Variants in KIRREL1 observed in about 807,000 individuals in gnomAD.
The protein encoded by KIRREL1 is kin of IRRE-like protein 1.
KIRREL1 carries 25 observed loss-of-function variants against 83.3 expected under a neutral mutation model. The ratio of observed to expected loss-of-function variants is 0.30; its 90% CI spans 0.22 to 0.42. The LOEUF is 0.42. Among genes scored for constraint, KIRREL1 ranks in the 10% least tolerant of loss-of-function variants. The probability of loss-of-function intolerance (pLI) is 1.00; values close to 1 mark genes in which losing one functional copy is unlikely to be tolerated. For missense variants in KIRREL1, 812 were observed against 1,032.3 expected, an observed-to-expected ratio of 0.79 and a Z score of 2.92; for synonymous variants, 388 against 410.4, an observed-to-expected ratio of 0.95 and a Z score of 0.66.
intron 1 of KIRREL1, among the ~76,000 whole-genome samples, chr1:158,015,663 T>C (rs1258288878): frequency 1.3e-5 from 2 of 152,194 alleles, no homozygotes; most frequent in African/African-American, 4.8e-5. Flanking sequence ...TTCTGGTTCA[T>C]TTTTTTATGG....
In KIRREL1 at chr1:158,095,738, C is replaced by T. The variant is rs1366423833; in HGVS notation, c.*618C>T. 6.6e-6 allele frequency: 1 copy of T among 152,358 alleles called. No homozygotes were observed. Among genetic ancestry groups the T allele is most frequent in the African/African-American group, 2.4e-5 (1 of 41,456 alleles). 9.4% of individuals were successfully genotyped at this position (152,358 alleles called of 1,614,324 possible). A position where few individuals can be genotyped will look rare whatever the true frequency, so the allele number is the denominator to read the frequency against. On this transcript the variant is annotated 3_prime_UTR_variant, in exon 15 of 15. Coordinates refer to ENST00000359209, the MANE Select transcript of KIRREL1 (RefSeq NM_018240.7). ...CAGCTGGGATCAAAATGCCAGTCAC[C>T]TTGGCTACCCACTGTGGACAGCTGT...
chr1:158,021,028 C>T (rs1031864269), intron 1 of KIRREL1, among the ~76,000 whole-genome samples: 1 of 152,116 alleles, frequency 6.6e-6, no homozygotes, highest in Non-Finnish European at 1.5e-5. Flanking sequence ...TTGCTAAGCT[C>T]CTTGGATTTG....
rs147845173 is a variant in KIRREL1, at chr1:158,023,388, A to G, written c.52+29660A>G. ...GCCAGGCACTGTTCAGTGCTGAGGA[A>G]ACAGAGATGAATACAATATGGTTAC... On this transcript the variant is annotated intron_variant, in intron 1 of 14. Coordinates refer to ENST00000359209, the MANE Select transcript of KIRREL1 (RefSeq NM_018240.7). 2.1e-3 allele frequency among the ~76,000 whole-genome samples: 319 copies of G among 152,344 alleles called. 1 individual carries two copies. Among genetic ancestry groups the G allele is most frequent in the East Asian group, 0.01 (52 of 5,192 alleles).
At position 158,096,723 on chromosome 1, in the gene KIRREL1, G is replaced by T. The variant is rs1231510683; in HGVS notation, c.*1603G>T. On this transcript the variant is annotated 3_prime_UTR_variant, in exon 15 of 15. Coordinates refer to ENST00000359209, the MANE Select transcript of KIRREL1 (RefSeq NM_018240.7). ...CACCACTTTCTGACCAAAGAGAACA[G>T]GCGCTCCAAGGAGAACCTGTACCCC... The T allele has an allele frequency of 3.3e-5, 15 of 456,720 alleles. No individual in the cohort carries two copies. The highest frequency in any genetic ancestry group is 3.3e-4 in the Middle Eastern group (1 of 3,076). The allele number at this position is 456,720 out of a possible 1,614,324, so 28.3% of individuals were successfully genotyped here.
At chr1:158,060,411 G>A (rs1445125876) in intron 1 of KIRREL1, among the ~76,000 whole-genome samples, 1 of 152,030 alleles carries the variant, frequency 6.6e-6, no homozygotes, top group Non-Finnish European at 1.5e-5. Flanking sequence ...TATCTTTCAT[G>A]CATGGGACCC....
intron 1 of KIRREL1, among the ~76,000 whole-genome samples, chr1:157,994,020 C>T (rs1276613944): frequency 6.6e-6 from 1 of 152,252 alleles, no homozygotes; most frequent in African/African-American, 2.4e-5. Context: ...AAACGGGGAA[C>T]CGAACGCTTT....
chr1:158,075,542 G>C (rs1227436149), intron 1 of KIRREL1, among the ~76,000 whole-genome samples: 2 of 152,246 alleles, frequency 1.3e-5, no homozygotes, highest in African/African-American at 4.8e-5. Context: ...ATGTGGACAT[G>C]CTGGCTTTAT....
At chr1:158,067,603 G>A (rs1455477779) in intron 1 of KIRREL1, among the ~76,000 whole-genome samples, 1 of 152,226 alleles carries the variant, frequency 6.6e-6, no homozygotes, top group Non-Finnish European at 1.5e-5. Context: ...AGGCTAAGGA[G>A]CCTGAGACCC....
At position 158,089,428 on chromosome 1, in the gene KIRREL1, C is replaced by G. The variant is rs180986844; in HGVS notation, c.1045-74C>G. 3.0e-3 allele frequency: 4,815 copies of G among 1,590,492 alleles called. 16 individuals carry two copies. Among genetic ancestry groups the G allele is most frequent in the Non-Finnish European group, 3.9e-3 (4,527 of 1,174,464 alleles). On this transcript the variant is annotated intron_variant, in intron 8 of 14. Transcript: ENST00000359209. Reference sequence around the variant, plus strand: ...CCTTCCTGCTTTCTTTCCGATGCCTCCGATGTGGGGCCCTCATGGACCTAG... The same window carrying G: ...CCTTCCTGCTTTCTTTCCGATGCCTGCGATGTGGGGCCCTCATGGACCTAG...
chr1:157,994,561 C>T (rs947494045), intron 1 of KIRREL1, among the ~76,000 whole-genome samples: 4 of 151,498 alleles, frequency 2.6e-5, no homozygotes, highest in Admixed American at 2.0e-4. Context: ...CTGGGCAGGG[C>T]TGGGGTTGGG....
chr1:157,996,732 T>C (rs1474932290), intron 1 of KIRREL1, among the ~76,000 whole-genome samples: 2 of 152,158 alleles, frequency 1.3e-5, no homozygotes, highest in Non-Finnish European at 2.9e-5. Flanking sequence ...GGCGCTGAGG[T>C]TGGGGAAGAG....
intron 1 of KIRREL1, among the ~76,000 whole-genome samples, chr1:158,029,051 A>G (rs1222358228): frequency 1.3e-5 from 2 of 152,190 alleles, no homozygotes; most frequent in East Asian, 3.8e-4. Context: ...GTATAAAGAG[A>G]TACGTATGGT....
Position 158,088,083 on chromosome 1 carries a change from C to T in KIRREL1, c.845C>T (p.Thr282Met), listed in dbSNP as rs143590865. The change falls in exon 7 of 15, where the codon ACG becomes ATG. Residue 282 changes from threonine to methionine, a missense_variant. By Grantham distance (81) the Thr-to-Met change is moderately conservative. This residue lies in a region of KIRREL1 where 472 missense variants were observed against 626.8 expected (regional missense o/e 0.75). Transcript: ENST00000359209. ...ACAAATGTGGATTATTCCTTTTTCA[C>T]GGAGCCTGTGTCTTGTGAGGTTCAC... Reference protein sequence around the residue: ...YETNVDYSFFTEPVSCEVHNK... With the variant: ...YETNVDYSFFMEPVSCEVHNK... 5.8e-5 allele frequency: 94 copies of T among 1,614,016 alleles called. No individual in the cohort carries two copies. Among genetic ancestry groups the T allele is most frequent in the Non-Finnish European group, 7.2e-5 (85 of 1,180,030 alleles).
At chr1:158,089,143 T>C (rs1044453211) in intron 8 of KIRREL1, among the ~76,000 whole-genome samples, 2 of 152,088 alleles carry the variant, frequency 1.3e-5, no homozygotes, top group Admixed American at 6.5e-5. Flanking sequence ...ATTAGACCAT[T>C]TGGGCCAGAA....
chr1:158,057,541 T>C (rs759242769), intron 1 of KIRREL1, among the ~76,000 whole-genome samples: 31 of 152,324 alleles, frequency 2.0e-4, no homozygotes, highest in Non-Finnish European at 4.6e-4. Flanking sequence ...TTGGGAACTG[T>C]TTCTCCATTA....
In KIRREL1 at chr1:157,993,732, A is replaced by C; in HGVS notation, c.52+4A>C. 1 of 1,489,792 alleles carries C rather than the reference A, an allele frequency of 6.7e-7. No homozygotes were observed. The highest frequency in any genetic ancestry group is 9.0e-7 in the Non-Finnish European group (1 of 1,117,126). The allele number at this position is 1,489,792 out of a possible 1,614,324, so 92.3% of individuals were successfully genotyped here. Reference sequence around the variant, plus strand: ...CTCTCCGATACTTTCTCCCAAGGTAAGGGCCCCCAGCCCACCCCCGGACGC... The same window carrying C: ...CTCTCCGATACTTTCTCCCAAGGTACGGGCCCCCAGCCCACCCCCGGACGC... On this transcript the variant is annotated splice_donor_region_variant and intron_variant, in intron 1 of 14. Coordinates refer to ENST00000359209, the MANE Select transcript of KIRREL1 (RefSeq NM_018240.7).
At chr1:158,019,669 G>A (rs1490969725) in intron 1 of KIRREL1, among the ~76,000 whole-genome samples, 1 of 152,160 alleles carries the variant, frequency 6.6e-6, no homozygotes, top group Non-Finnish European at 1.5e-5. Flanking sequence ...AGCTCTTCCA[G>A]GGAGCACGGG....
chr1:158,065,047 G>T (rs2101610375), intron 1 of KIRREL1, among the ~76,000 whole-genome samples: 1 of 151,594 alleles, frequency 6.6e-6, no homozygotes, highest in South Asian at 2.1e-4. Context: ...AACAGAGAGG[G>T]GTCCTTCAGA....
At chr1:158,072,820 C>T (rs1428883325) in intron 1 of KIRREL1, among the ~76,000 whole-genome samples, 4 of 151,872 alleles carry the variant, frequency 2.6e-5, no homozygotes, top group Non-Finnish European at 5.9e-5. Flanking sequence ...GAGGAGAAAG[C>T]CTAGAAAGTG....
Sources: allele counts gnomAD v4.1 joint callset (sites outside exome capture counted in the v4.1 genomes callset), GRCh38; gene constraint gnomAD v4.1.1; regional missense constraint gnomAD v4.1.1; transcripts MANE v1.5; gene names NCBI Gene and HGNC (gene_info 2026-07-23, HGNC 2026-07-21).